The following WDR4 variants were observed in gnomAD, a reference collection of about 807,000 sequenced individuals.
WDR4 encodes the protein WDR4 tRNA N7-guanosine methyltransferase non-catalytic subunit, also known as tRNA (guanine-N(7)-)-methyltransferase non-catalytic subunit WDR4.
WDR4 carries 47 observed loss-of-function variants against 48.6 expected under a neutral mutation model. The ratio of observed to expected loss-of-function variants is 0.97; its 90% CI spans 0.77 to 1.23. The LOEUF is 1.23. WDR4 is among the 50% of genes most tolerant of loss of function. WDR4 has a pLI of 0.00. For synonymous variants in WDR4, 268 were observed against 230.0 expected (o/e 1.17, Z -1.49); for missense variants, 606 against 551.6 (o/e 1.10, Z -0.99).
At chr21:42,848,322 C>T (rs1475708002), downstream of WDR4, among the ~76,000 whole-genome samples, 3 of 150,718 alleles carry the variant, frequency 2.0e-5, no homozygotes, top group Non-Finnish European at 4.4e-5. Flanking sequence ...ACATGCAGCG[C>T]ACGGTCACGC....
chr21:42,877,799 C>T (rs1042311120), intron 1 of WDR4, among the ~76,000 whole-genome samples: 7 of 152,086 alleles, frequency 4.6e-5, no homozygotes, highest in African/African-American at 1.7e-4. Context: ...AATCCCAGCA[C>T]TTTGGGAGGC....
Position 42,879,530 on chromosome 21 carries a change from A to C in WDR4, c.-35T>G. ...CGCCTCACCGCCATACACATGTGCCAGCCCAGAGCCTCTTCCTGTCCGCAC... is the reference window on the plus strand; with the variant it reads ...CGCCTCACCGCCATACACATGTGCCCGCCCAGAGCCTCTTCCTGTCCGCAC... On this transcript the variant is annotated 5_prime_UTR_variant, in exon 1 of 11. Coordinates refer to ENST00000398208, the MANE Select transcript of WDR4 (RefSeq NM_018669.6). 1 of 1,609,680 alleles carries C rather than the reference A, an allele frequency of 6.2e-7. No individual in the cohort carries two copies. Among genetic ancestry groups the C allele is most frequent in the Non-Finnish European group, 8.5e-7 (1 of 1,178,332 alleles).
intron 9 of WDR4, among the ~76,000 whole-genome samples, chr21:42,852,868 T>C (rs2057871293): frequency 1.4e-5 from 2 of 148,064 alleles, no homozygotes; most frequent in Admixed American, 1.3e-4. Context: ...TGAGCCGAGA[T>C]AGCGCCATTG....
rs543946593 is a variant in WDR4 at position 42,873,099 on chromosome 21, T to C, written c.296+452A>G. Among the ~76,000 whole-genome samples the C allele has an allele frequency of 2.0e-5, 3 of 152,230 alleles. No individual in the cohort carries two copies. The South Asian group carries it at 6.2e-4, about 32-fold the overall frequency. On this transcript the variant is annotated intron_variant, in intron 3 of 10. Transcript: ENST00000398208. ...TCCACTCTTCAGATACTCAGACATA[T>C]GTGCACTAAACCCACCTAGCTTAAT...
chr21:42,875,452 G>C (rs528262536), intron 2 of WDR4, among the ~76,000 whole-genome samples: 1 of 152,312 alleles, frequency 6.6e-6, no homozygotes, highest in African/African-American at 2.4e-5. Context: ...CTACTCAGGA[G>C]GCTGAGTCAG....
chr21:42,869,086 AGAG>A (rs1461003546), intron 3 of WDR4, among the ~76,000 whole-genome samples: 3 of 152,144 alleles, frequency 2.0e-5, no homozygotes, highest in African/African-American at 4.8e-5. Flanking sequence ...CCATCTGCAG[AGAG>A]GAGGAGGAGG....
rs543341573 is a variant in WDR4, at chr21:42,863,687, C to T, written c.297-91G>A. The T allele has an allele frequency of 4.8e-5, 67 of 1,396,966 alleles. No homozygotes were observed. In the East Asian group the frequency reaches 5.6e-4, roughly 12 times the overall value. The allele number at this position is 1,396,966 out of a possible 1,614,324, so 86.5% of individuals were successfully genotyped here. A position where few individuals can be genotyped will look rare whatever the true frequency, so the allele number is the denominator to read the frequency against. On this transcript the variant is annotated intron_variant, in intron 3 of 10. Coordinates refer to ENST00000398208, the MANE Select transcript of WDR4 (RefSeq NM_018669.6). The stretch of plus-strand genomic sequence containing the variant: ...AGGCCACGTGGGCGGTGGCAGGCAC[C>T]GGTACCTGGCCATATGCTCTGTTTT...
chr21:42,852,112 G>A lies in WDR4; in HGVS notation c.1045+143C>T, dbSNP rs151015516. 456 of 870,162 alleles carry A rather than the reference G, an allele frequency of 5.2e-4. 1 individual carries two copies. In the African/African-American group the frequency reaches 6.3e-3, roughly 12 times the overall value. The allele number at this position is 870,162 out of a possible 1,614,324, so 53.9% of individuals were successfully genotyped here. On this transcript the variant is annotated intron_variant, in intron 10 of 10. Coordinates refer to ENST00000398208, the MANE Select transcript of WDR4 (RefSeq NM_018669.6). Reference sequence around the variant, plus strand: ...CGTCACCCACCTCCTGCCCTGCCCCGCCTTCTGGATGGGGACACACGCTTA... The same window carrying A: ...CGTCACCCACCTCCTGCCCTGCCCCACCTTCTGGATGGGGACACACGCTTA...
downstream of WDR4, among the ~76,000 whole-genome samples, chr21:42,848,433 A>G (rs1295313583): frequency 1.7e-5 from 2 of 118,006 alleles, no homozygotes; most frequent in African/African-American, 7.0e-5. Flanking sequence ...ACAGCGCACA[A>G]TCACGCGGCG....
At position 42,863,503 on chromosome 21, in the gene WDR4, C is replaced by G. The variant is rs766380003; in HGVS notation, c.390G>C (p.Ser130=). The change falls in exon 4 of 11, where the codon TCG becomes TCC. Residue 130 remains serine, a synonymous_variant. Coordinates refer to ENST00000398208, the MANE Select transcript of WDR4 (RefSeq NM_018669.6). ...GGCCACACCCGTGTGGCTCCAGCAC[C>G]GAAAAGGAGTAGACGTCTCCAGACT... The part of the protein sequence containing the change: ...ADKSGDVYSF[S]VLEPHGCGRL... 4.5e-5 allele frequency: 73 copies of G among 1,613,934 alleles called. No homozygotes were observed. The highest frequency in any genetic ancestry group is 1.8e-4 in the Admixed American group (11 of 60,002).
At position 42,862,536 on chromosome 21, in the gene WDR4, C is replaced by A. The variant is rs1235862434; in HGVS notation, c.454-142G>T. On this transcript the variant is annotated intron_variant, in intron 4 of 10. Transcript: ENST00000398208. This position sits in a 1 kb window ranked among gnomAD's most constrained non-coding sequence, Gnocchi z 4.3. ...GAGGACAGACCAGCGTGGCTCCTCCCCTCCTCCCGTCCCTACGTCTAATTG... is the reference window on the plus strand; with the variant it reads ...GAGGACAGACCAGCGTGGCTCCTCCACTCCTCCCGTCCCTACGTCTAATTG... 7.2e-6 allele frequency: 5 copies of A among 693,076 alleles called. No individual in the cohort carries two copies. Among genetic ancestry groups the A allele is most frequent in the Non-Finnish European group, 9.7e-6 (4 of 411,342 alleles). The allele number at this position is 693,076 out of a possible 1,614,324, so 42.9% of individuals were successfully genotyped here. A position where few individuals can be genotyped will look rare whatever the true frequency, so the allele number is the denominator to read the frequency against.
chr21:42,843,197 C>T (rs1266848020), exon 12 of WDR4: 2 of 152,144 alleles, frequency 1.3e-5, no homozygotes, highest in African/African-American at 2.4e-5. Flanking sequence ...GAGCTACATC[C>T]GAACAAGCTC....
At chr21:42,869,529 G>A (rs542786631) in intron 3 of WDR4, among the ~76,000 whole-genome samples, 2 of 152,228 alleles carry the variant, frequency 1.3e-5, no homozygotes, top group East Asian at 3.9e-4. Flanking sequence ...ACACACCTGT[G>A]CCACAGAAAG....
intron 2 of WDR4, among the ~76,000 whole-genome samples, chr21:42,875,916 C>CTT (rs71194083): frequency 0.033 from 3,421 of 104,606 alleles, 441 homozygotes; most frequent in African/African-American, 0.13. Flanking sequence ...TAACACTGTG[C>CTT]TTTTTTTTTT....
chr21:42,867,027 A>C (rs140640784), intron 3 of WDR4, among the ~76,000 whole-genome samples: 1 of 152,120 alleles, frequency 6.6e-6, no homozygotes, highest in Non-Finnish European at 1.5e-5. Context: ...ATCAAATCAC[A>C]TGGTCCATCT....
upstream of WDR4, chr21:42,879,985 T>C (rs144629102): frequency 4.5e-4 from 174 of 389,158 alleles, no homozygotes; most frequent in African/African-American, 3.0e-3. Flanking sequence ...CAAAAATTTG[T>C]TGGGCGTGGT....
At chr21:42,885,263 TC>T in the WDR4 span, among the ~76,000 whole-genome samples, 2 of 152,078 alleles carry the variant, frequency 1.3e-5, no homozygotes, top group African/African-American at 4.8e-5. Context: ...CCTCTCTTCT[TC>T]CTCCTCCAAG....
intron 2 of WDR4, among the ~76,000 whole-genome samples, chr21:42,875,911 CTG>C (rs2058478448): frequency 8.4e-6 from 1 of 119,566 alleles, no homozygotes; most frequent in African/African-American, 3.7e-5. Flanking sequence ...AGTCCTAACA[CTG>C]TGCTTTTTTT....
chr21:42,851,588 C>T (rs559314910), intron 10 of WDR4, among the ~76,000 whole-genome samples: 5 of 152,350 alleles, frequency 3.3e-5, no homozygotes, highest in South Asian at 2.1e-4. Flanking sequence ...CCTGCAGACA[C>T]CATCACCTCC....
Sources: gnomAD v4.1 joint callset for allele counts (sites outside exome capture counted in the v4.1 genomes callset) on GRCh38, gnomAD v4.1.1 for gene constraint, Gnocchi (gnomAD v3.1) non-coding constraint, MANE v1.5 for transcripts, NCBI Gene and HGNC (gene_info 2026-07-23, HGNC 2026-07-21) for gene names.